GYPC: variants seen among roughly 807,000 people sequenced by gnomAD.
The protein encoded by GYPC is glycophorin C (Gerbich blood group).
A neutral mutation model predicts 12.6 loss-of-function variants in GYPC; 14 were observed. That is an observed-to-expected ratio of 1.11 (90% CI 0.74 to 1.74). The LOEUF is 1.74. GYPC is among the 40% of genes most tolerant of loss of function. GYPC has a pLI of 0.00. For missense variants in GYPC, 225 were observed against 172.1 expected (o/e 1.31, Z -1.72); for synonymous variants, 78 against 62.1 (o/e 1.26, Z -1.20).
chr2:126,684,737 T>A (rs1683239020), intron 1 of GYPC, among the ~76,000 whole-genome samples: 2 of 152,224 alleles, frequency 1.3e-5, no homozygotes, highest in African/African-American at 2.4e-5. Context: ...AAGGAAAGAA[T>A]GAACCGGCAC....
intron 1 of GYPC, chr2:126,658,044 G>C (rs541077418): frequency 6.6e-6 from 1 of 152,458 alleles, no homozygotes; most frequent in East Asian, 1.9e-4. Flanking sequence ...AGCTGGGCTA[G>C]GCCCCAATGC....
intron 1 of GYPC, among the ~76,000 whole-genome samples, chr2:126,667,453 G>A (rs1330945648): frequency 6.6e-6 from 1 of 151,042 alleles, no homozygotes; most frequent in Non-Finnish European, 1.5e-5. Flanking sequence ...GCACAGGCTG[G>A]GGTGCAGTGG....
chr2:126,695,960 G>T lies in GYPC; in HGVS notation c.205G>T (p.Val69Leu), dbSNP rs759372389. ...IVVIAGVIAA[V>L]AIVLVSLLFV... ...CCCACCTGCAGGTGTGATTGCTGCT[G>T]TGGCCATCGTCCTAGTCTCCCTCCT... Residue 69 changes from valine (V) to leucine (L), a missense_variant, in exon 4 of 4, where the codon GTG (valine) becomes TTG (leucine). By Grantham distance (32) the Val-to-Leu change is conservative. Transcript: ENST00000259254. The T allele has an allele frequency of 6.2e-7, 1 of 1,613,976 alleles. No individual in the cohort carries two copies. The highest frequency in any genetic ancestry group is 1.1e-5 in the South Asian group (1 of 91,068).
intron 1 of GYPC, among the ~76,000 whole-genome samples, chr2:126,660,441 G>A (rs768482488): frequency 3.3e-5 from 5 of 152,132 alleles, no homozygotes; most frequent in East Asian, 3.9e-4. Flanking sequence ...AACACGCCGC[G>A]GGCCTGGCAC....
chr2:126,664,645 A>G (rs1243893404), intron 1 of GYPC, among the ~76,000 whole-genome samples: 1 of 152,224 alleles, frequency 6.6e-6, no homozygotes, highest in East Asian at 1.9e-4. Flanking sequence ...TTGGGAGGAG[A>G]AGGGACCCAT....
In GYPC at chr2:126,673,745, C is replaced by A. The variant is rs137893852; in HGVS notation, c.50-16510C>A. Among the ~76,000 whole-genome samples, 996 of 152,286 alleles carry A rather than the reference C, an allele frequency of 6.5e-3. 16 individuals are homozygous for A. The highest frequency in any genetic ancestry group is 0.023 in the African/African-American group (942 of 41,544). Reference sequence around the variant, plus strand: ...TTTTAAGTGGACAAATGGTTTCATGCTTAAACACTGCCAGATCCTCTCCAT... The same window carrying A: ...TTTTAAGTGGACAAATGGTTTCATGATTAAACACTGCCAGATCCTCTCCAT... On this transcript the variant is annotated intron_variant, in intron 1 of 3. Coordinates refer to ENST00000259254, the MANE Select transcript of GYPC (RefSeq NM_002101.5).
At chr2:126,687,513 A>C (rs1014404650) in intron 1 of GYPC, among the ~76,000 whole-genome samples, 4 of 152,154 alleles carry the variant, frequency 2.6e-5, no homozygotes, top group Non-Finnish European at 5.9e-5. Context: ...CTCTATGCTG[A>C]TTCTGATCTA....
intron 1 of GYPC, among the ~76,000 whole-genome samples, chr2:126,681,542 T>G (rs988573078): frequency 6.6e-6 from 1 of 151,540 alleles, no homozygotes; most frequent in Non-Finnish European, 1.5e-5. Context: ...TGCCAAATAG[T>G]ATACCAGAGT....
chr2:126,663,576 T>G (rs1682598585), intron 1 of GYPC, among the ~76,000 whole-genome samples: 1 of 152,196 alleles, frequency 6.6e-6, no homozygotes, highest in Admixed American at 6.5e-5. Flanking sequence ...AAGAGTAGGC[T>G]CTTTGAAAGC....
intron 1 of GYPC, among the ~76,000 whole-genome samples, chr2:126,661,530 G>A (rs1349818168): frequency 6.7e-6 from 1 of 150,336 alleles, no homozygotes; most frequent in Non-Finnish European, 1.5e-5. Flanking sequence ...TTGGCTCACT[G>A]CAACCTGCGT....
chr2:126,665,688 T>C (rs1177166811), intron 1 of GYPC, among the ~76,000 whole-genome samples: 1 of 152,334 alleles, frequency 6.6e-6, no homozygotes, highest in East Asian at 1.9e-4. Flanking sequence ...TACAGCAGAC[T>C]CGGCACAGGT....
intron 2 of GYPC, among the ~76,000 whole-genome samples, chr2:126,690,570 T>G (rs1234061312): frequency 6.6e-6 from 1 of 152,146 alleles, no homozygotes; most frequent in South Asian, 2.1e-4. Flanking sequence ...GTATTTATAT[T>G]TATTGGCCTT....
chr2:126,661,630 T>C (rs1277195320), intron 1 of GYPC, among the ~76,000 whole-genome samples: 2 of 152,146 alleles, frequency 1.3e-5, no homozygotes, highest in Non-Finnish European at 2.9e-5. Flanking sequence ...TTTTGTATTT[T>C]TAGTATAGAC....
At chr2:126,667,287 A>G (rs1276121086) in intron 1 of GYPC, among the ~76,000 whole-genome samples, 2 of 152,236 alleles carry the variant, frequency 1.3e-5, no homozygotes, top group African/African-American at 2.4e-5. Context: ...GTGTATCAGT[A>G]AAGAAAACAG....
intron 1 of GYPC, chr2:126,657,785 C>T (rs1406453081): frequency 1.3e-5 from 2 of 152,368 alleles, no homozygotes; most frequent in Non-Finnish European, 2.9e-5. Flanking sequence ...ACCTTCAACA[C>T]TTGCCTTGGG....
chr2:126,680,816 G>A (rs12465294), intron 1 of GYPC, among the ~76,000 whole-genome samples: 24,375 of 152,158 alleles, frequency 0.16, 2,536 homozygotes, highest in East Asian at 0.42. Context: ...TTAGGCAAAG[G>A]ATGTGTGGAC....
In GYPC at chr2:126,656,515, C is replaced by G. The variant is rs548805765; in HGVS notation, c.49+203C>G. 5.3e-5 allele frequency among the ~76,000 whole-genome samples: 8 copies of G among 152,360 alleles called. No individual in the cohort carries two copies. The South Asian group carries it at 1.7e-3, about 32-fold the overall frequency. ...TGGGCTGCGCGGAGTCCCTGTCCCG[C>G]GTCCCGGACCCCTACGCGCAGCCTC... On this transcript the variant is annotated intron_variant, in intron 1 of 3. Coordinates refer to ENST00000259254, the MANE Select transcript of GYPC (RefSeq NM_002101.5).
At chr2:126,662,160 G>C (rs1682551483) in intron 1 of GYPC, among the ~76,000 whole-genome samples, 1 of 152,178 alleles carries the variant, frequency 6.6e-6, no homozygotes, top group Admixed American at 6.5e-5. Context: ...ATGAGCACAT[G>C]TATTCTCAGC....
intron 1 of GYPC, among the ~76,000 whole-genome samples, chr2:126,664,757 A>G (rs2104773240): frequency 6.6e-6 from 1 of 152,350 alleles, no homozygotes; most frequent in Non-Finnish European, 1.5e-5. Flanking sequence ...CCCTGCCTGA[A>G]TCTGCCCCTT....
Sources: allele counts gnomAD v4.1 joint callset (sites outside exome capture counted in the v4.1 genomes callset), GRCh38; gene constraint gnomAD v4.1.1; transcripts MANE v1.5; gene names NCBI Gene and HGNC (gene_info 2026-07-23, HGNC 2026-07-21).